Variants in STON2 observed in about 807,000 individuals in gnomAD.
The protein encoded by STON2 is stonin-2.
STON2 carries 29 observed loss-of-function variants against 65.7 expected under a neutral mutation model. The ratio of observed to expected loss-of-function variants is 0.44; its 90% CI spans 0.33 to 0.60. The LOEUF is 0.60. Among genes scored for constraint, STON2 ranks in the 20% least tolerant of loss-of-function variants. The probability of loss-of-function intolerance (pLI) is 0.03; values close to 1 mark genes in which losing one functional copy is unlikely to be tolerated. For synonymous variants in STON2, 404 were observed against 414.2 expected (o/e 0.98, Z 0.30); for missense variants, 1,054 against 1,118.1 (o/e 0.94, Z 0.82).
At chr14:81,340,876 GATT>G (rs943940541) in intron 4 of STON2, among the ~76,000 whole-genome samples, 90 of 151,140 alleles carry the variant, frequency 6.0e-4, no homozygotes, top group African/African-American at 2.2e-3. Context: ...ATACTATATA[GATT>G]ATTACATAAC....
chr14:81,423,122 T>C (rs369483222), intron 2 of STON2, among the ~76,000 whole-genome samples: 156 of 152,260 alleles, frequency 1.0e-3, no homozygotes, highest in African/African-American at 3.5e-3. Context: ...TGACCTTCTA[T>C]AGGTATACCT....
At chr14:81,287,890 T>C (rs1895400884) in intron 5 of STON2, among the ~76,000 whole-genome samples, 1 of 152,170 alleles carries the variant, frequency 6.6e-6, no homozygotes, top group South Asian at 2.1e-4. Context: ...ATCCGTTTCT[T>C]GGGCTGTCTT....
At chr14:81,379,917 T>C (rs920897948) in intron 3 of STON2, among the ~76,000 whole-genome samples, 8 of 152,214 alleles carry the variant, frequency 5.3e-5, no homozygotes, top group African/African-American at 1.9e-4. Context: ...GGGAATACCA[T>C]TCTGGACATT....
intron 3 of STON2, among the ~76,000 whole-genome samples, chr14:81,374,365 C>T (rs10152085): frequency 0.011 from 1,626 of 151,858 alleles, 28 homozygotes; most frequent in South Asian, 0.043. Context: ...CCTCCTCAGA[C>T]AGAATGTTCC....
intron 2 of STON2, among the ~76,000 whole-genome samples, chr14:81,425,573 A>G (rs8014268): frequency 0.21 from 31,211 of 148,540 alleles, 4,875 homozygotes; most frequent in African/African-American, 0.42. Context: ...TCTGCCATCA[A>G]AAAAAAAAAA....
chr14:81,426,245 TGG>T (rs1190219067), intron 2 of STON2, among the ~76,000 whole-genome samples: 1 of 152,136 alleles, frequency 6.6e-6, no homozygotes, highest in Non-Finnish European at 1.5e-5. Context: ...CACCTAACCA[TGG>T]GATTATAGAG....
At chr14:81,409,297 C>T (rs968891759) in intron 2 of STON2, among the ~76,000 whole-genome samples, 2 of 151,842 alleles carry the variant, frequency 1.3e-5, no homozygotes, top group Non-Finnish European at 2.9e-5. Context: ...TCCAGCTACT[C>T]GGGAGGCTGA....
intron 5 of STON2, among the ~76,000 whole-genome samples, chr14:81,293,148 C>T (rs1391391314): frequency 2.7e-5 from 4 of 150,378 alleles, no homozygotes; most frequent in Admixed American, 2.7e-4. Flanking sequence ...CCTAGGAAGC[C>T]TTCACCTTAG....
chr14:81,389,017 A>G (rs967134752), intron 3 of STON2, among the ~76,000 whole-genome samples: 1 of 152,206 alleles, frequency 6.6e-6, no homozygotes, highest in Non-Finnish European at 1.5e-5. Context: ...CTCACAAAAC[A>G]ACATCCACAG....
chr14:81,341,457 G>T (rs3825607), intron 4 of STON2, among the ~76,000 whole-genome samples: 62,269 of 122,740 alleles, frequency 0.51, 14,711 homozygotes, highest in African/African-American at 0.68. Flanking sequence ...TTTTTTTTTT[G>T]TTTTTTTTTT....
intron 4 of STON2, among the ~76,000 whole-genome samples, chr14:81,335,646 C>G (rs1897344270): frequency 6.6e-6 from 1 of 152,128 alleles, no homozygotes; most frequent in Non-Finnish European, 1.5e-5. Context: ...TGGAAGAAGA[C>G]CTAGATTTCA....
chr14:81,376,584 A>G (rs943011693), intron 3 of STON2, among the ~76,000 whole-genome samples: 1 of 152,176 alleles, frequency 6.6e-6, no homozygotes, highest in African/African-American at 2.4e-5. Flanking sequence ...TAACTACTCC[A>G]GAGTACACAA....
chr14:81,414,613 T>C (rs1456409505), intron 2 of STON2, among the ~76,000 whole-genome samples: 2 of 151,782 alleles, frequency 1.3e-5, no homozygotes, highest in Admixed American at 6.6e-5. Flanking sequence ...TCAAGATTCC[T>C]TGAATACTAG....
At chr14:81,295,575 C>T (rs988067067) in intron 5 of STON2, among the ~76,000 whole-genome samples, 1 of 152,136 alleles carries the variant, frequency 6.6e-6, no homozygotes, top group Admixed American at 6.5e-5. Context: ...AAGGCTAGAA[C>T]ATTCTTGCAC....
intron 6 of STON2, among the ~76,000 whole-genome samples, chr14:81,272,263 CCA>C (rs1894630170): frequency 6.6e-6 from 1 of 152,144 alleles, no homozygotes; most frequent in Non-Finnish European, 1.5e-5. Flanking sequence ...CAGTCTGACT[CCA>C]GAGTGTTCTT....
In STON2 at chr14:81,262,646, T is replaced by C. The variant is rs1566875223; in HGVS notation, c.*5768A>G. 1 of 985,370 alleles carries C rather than the reference T, an allele frequency of 1.0e-6. No individual in the cohort carries two copies. Among genetic ancestry groups the C allele is most frequent in the Non-Finnish European group, 1.2e-6 (1 of 829,960 alleles). 61.0% of individuals were successfully genotyped at this position (985,370 alleles called of 1,614,324 possible). A position where few individuals can be genotyped will look rare whatever the true frequency, so the allele number is the denominator to read the frequency against. ...CTCTCTCCAGGCACTACCAAACTCA[T>C]TACTGTGGATAGTTTCTGCCTTTAC... On this transcript the variant is annotated 3_prime_UTR_variant, in exon 8 of 8. Coordinates refer to ENST00000614646, the MANE Select transcript of STON2 (RefSeq NM_001394390.1).
intron 1 of STON2, among the ~76,000 whole-genome samples, chr14:81,399,226 A>G (rs1900480749): frequency 6.6e-6 from 1 of 152,188 alleles, no homozygotes; most frequent in African/African-American, 2.4e-5. Context: ...CTCACACTGC[A>G]ATTATGTTCT....
Position 81,263,822 on chromosome 14 carries a change from T to G in STON2, c.*4592A>C. The G allele has an allele frequency of 1.0e-6, 1 of 985,408 alleles. No homozygotes were observed. The highest frequency in any genetic ancestry group is 1.7e-5 in the African/African-American group (1 of 57,336). The allele number at this position is 985,408 out of a possible 1,614,324, so 61.0% of individuals were successfully genotyped here. On this transcript the variant is annotated 3_prime_UTR_variant, in exon 8 of 8. Transcript: ENST00000614646. ...GCTTCCTACTTAAACCAATTTAATA[T>G]TCCCAAGGCTTTTAAGAAAAAACTT...
intron 4 of STON2, among the ~76,000 whole-genome samples, chr14:81,361,229 T>C (rs1295004928): frequency 6.6e-6 from 1 of 151,628 alleles, no homozygotes; most frequent in Non-Finnish European, 1.5e-5. Flanking sequence ...AAGTTGGAGG[T>C]ATCACACCAT....
Sources: allele counts gnomAD v4.1 joint callset (sites outside exome capture counted in the v4.1 genomes callset), GRCh38; gene constraint gnomAD v4.1.1; transcripts MANE v1.5; gene names NCBI Gene and HGNC (gene_info 2026-07-23, HGNC 2026-07-21).